INO80C: variants seen among roughly 807,000 people sequenced by gnomAD.
INO80C encodes IES6 homolog.
A neutral mutation model predicts 17.7 loss-of-function variants in INO80C; 17 were observed. The observed-to-expected ratio is 0.96, with a 90% CI of 0.66 to 1.44. The LOEUF is 1.44. Ranked by LOEUF, INO80C falls within the 40% of genes most tolerant of loss-of-function variation. INO80C has a pLI of 0.00. For synonymous variants in INO80C, 96 were observed against 95.8 expected, an observed-to-expected ratio of 1.00 and a Z score of -0.01; for missense variants, 244 against 245.0, an observed-to-expected ratio of 1.00 and a Z score of 0.03.
chr18:35,497,141 A>T (rs189297820), intron 1 of INO80C, among the ~76,000 whole-genome samples: 107 of 152,342 alleles, frequency 7.0e-4, no homozygotes, highest in Non-Finnish European at 1.2e-3. Flanking sequence ...TAGATTGTTC[A>T]GAGGCCCTGA....
chr18:35,497,387 G>A (rs2045994130), intron 1 of INO80C: 3 of 1,090,816 alleles, frequency 2.8e-6, no homozygotes, highest in Non-Finnish European at 3.4e-6. Context: ...TGGACGAGGG[G>A]AAGACACGCA....
chr18:35,489,403 A>G (rs146771948), intron 1 of INO80C: 2,910 of 229,238 alleles, frequency 0.013, 93 homozygotes, highest in African/African-American at 0.063. Context: ...GGCAGCAGGC[A>G]AGAGAGAGAA....
chr18:35,485,015 G>A (rs981406227), intron 1 of INO80C, among the ~76,000 whole-genome samples: 4 of 152,060 alleles, frequency 2.6e-5, no homozygotes, highest in Admixed American at 1.3e-4. Flanking sequence ...GACAAGTTTG[G>A]TTTCTCCTGA....
Position 35,478,354 on chromosome 18 carries a change from GAAAAAA to G in INO80C, c.380-11_380-6del. 7.8e-7 allele frequency: 1 copy of G among 1,279,402 alleles called. No homozygotes were observed. The highest frequency in any genetic ancestry group is 1.1e-6 in the Non-Finnish European group (1 of 948,254). The allele number at this position is 1,279,402 out of a possible 1,614,324, so 79.3% of individuals were successfully genotyped here. On this transcript the variant is annotated splice_region_variant and splice_polypyrimidine_tract_variant and intron_variant, in intron 3 of 4. Coordinates refer to ENST00000334598, the MANE Select transcript of INO80C (RefSeq NM_194281.4). ...GAGGAGCATCAATACTGAAGTCTGG[GAAAAAA>G]AAAAAAAAAAGATAACTAAACTGAA...
At position 35,497,791 on chromosome 18, in the gene INO80C, G is replaced by C; in HGVS notation, c.84C>G (p.Ser28=). Residue 28 remains serine (S), a synonymous_variant, in exon 1 of 5, where the codon TCC becomes TCG. Coordinates refer to ENST00000334598, the MANE Select transcript of INO80C (RefSeq NM_194281.4). The part of the protein sequence containing the change: ...RNSKKRPASP[S]HNGSSGGGYG... ...AGCCCCCGCCGCTGCTGCCATTGTG[G>C]GAAGGGCTGGCCGGCCTCTTCTTGC... 6.2e-7 allele frequency: 1 copy of C among 1,613,186 alleles called. No individual in the cohort carries two copies. Among genetic ancestry groups the C allele is most frequent in the Non-Finnish European group, 8.5e-7 (1 of 1,179,554 alleles).
At chr18:35,477,502 T>C (rs984953659) in intron 4 of INO80C, among the ~76,000 whole-genome samples, 4 of 152,142 alleles carry the variant, frequency 2.6e-5, no homozygotes, top group African/African-American at 9.7e-5. Context: ...ATTTATGAGA[T>C]GAAAAAGGAT....
intron 1 of INO80C, among the ~76,000 whole-genome samples, chr18:35,481,556 C>T (rs2045808957): frequency 6.6e-6 from 1 of 152,178 alleles, no homozygotes; most frequent in South Asian, 2.1e-4. Context: ...ACAGCATGTA[C>T]TCTAGTGTCT....
chr18:35,497,577 C>A, intron 1 of INO80C, 142 bp downstream of exon 1: 1 of 1,424,178 alleles, frequency 7.0e-7, no homozygotes. Context: ...AGTAGTCATT[C>A]ACTCCGCGGG....
At chr18:35,484,539 T>C (rs1358679080) in intron 1 of INO80C, among the ~76,000 whole-genome samples, 3 of 152,244 alleles carry the variant, frequency 2.0e-5, no homozygotes, top group Non-Finnish European at 4.4e-5. Flanking sequence ...GCATCTTGAC[T>C]AAACATGTAC....
chr18:35,497,694 G>A lies in INO80C; in HGVS notation c.156+25C>T. 2 of 1,601,166 alleles carry A rather than the reference G, an allele frequency of 1.2e-6. 1 individual carries two copies. The highest frequency in any genetic ancestry group is 2.2e-5 in the South Asian group (2 of 90,292). On this transcript the variant is annotated intron_variant, in intron 1 of 4. Transcript: ENST00000334598. ...AAGTCCCGTTTCGCGACGCGCACGC[G>A]CAGCCTGGGAGCGCGACTGCGTACC...
chr18:35,475,536 G>A (rs1288614050), intron 4 of INO80C, among the ~76,000 whole-genome samples: 2 of 152,116 alleles, frequency 1.3e-5, no homozygotes, highest in African/African-American at 2.4e-5. Flanking sequence ...CAGGCATGGT[G>A]GCACACACCT....
At chr18:35,497,678 T>A (rs1225282974) in intron 1 of INO80C, 41 bp downstream of exon 1, 12 of 1,590,560 alleles carry the variant, frequency 7.5e-6, no homozygotes, top group Non-Finnish European at 1.0e-5. Context: ...CAAGTCCCGT[T>A]TCGCGACGCG....
chr18:35,470,826 T>C (rs562626330), intron 4 of INO80C, among the ~76,000 whole-genome samples: 9 of 151,988 alleles, frequency 5.9e-5, no homozygotes, highest in African/African-American at 2.2e-4. Context: ...CACCCAGGAG[T>C]TGAACAAGTA....
chr18:35,497,885 G>A lies in INO80C; in HGVS notation c.-11C>T. ...AATTTGCGCCGCCATCGCACTCCGA[G>A]TCTTCCCCTGGTCCCCCCACCTTTT... On this transcript the variant is annotated 5_prime_UTR_variant, in exon 1 of 5. Coordinates refer to ENST00000334598, the MANE Select transcript of INO80C (RefSeq NM_194281.4). 1 of 1,544,936 alleles carries A rather than the reference G, an allele frequency of 6.5e-7. No homozygotes were observed. The highest frequency in any genetic ancestry group is 8.7e-7 in the Non-Finnish European group (1 of 1,143,270).
intron 1 of INO80C, among the ~76,000 whole-genome samples, chr18:35,491,240 A>G (rs959077177): frequency 1.3e-5 from 2 of 152,188 alleles, no homozygotes; most frequent in Non-Finnish European, 2.9e-5. Flanking sequence ...CCCTCGTTAG[A>G]TTCAGGCAGA....
At position 35,479,032 on chromosome 18, in the gene INO80C, G is replaced by A. The variant is rs1387184840; in HGVS notation, c.379+268C>T. The A allele has an allele frequency of 1.4e-5, 4 of 293,784 alleles. No homozygotes were observed. In the Admixed American group the frequency reaches 2.0e-4, roughly 15 times the overall value. 18.2% of individuals were successfully genotyped at this position (293,784 alleles called of 1,614,324 possible). ...TTAAGAGTAGACTTTTGAATAAGAA[G>A]TTTGTCTAGTAGAAACACCAATATT... On this transcript the variant is annotated intron_variant, in intron 3 of 4. Transcript: ENST00000334598.
At chr18:35,481,037 G>C (rs1169558782) in intron 1 of INO80C, among the ~76,000 whole-genome samples, 2 of 152,172 alleles carry the variant, frequency 1.3e-5, no homozygotes, top group Middle Eastern at 3.2e-3. Context: ...CTGATCTTAT[G>C]AACTCTGTCT....
chr18:35,478,277 C>G lies in INO80C; in HGVS notation c.447+5G>C. On this transcript the variant is annotated splice_donor_5th_base_variant and intron_variant, in intron 4 of 4. Coordinates refer to ENST00000334598, the MANE Select transcript of INO80C (RefSeq NM_194281.4). ...TAATGTTATAAGAGATATAATCATACTCACAAGCAGACCTGAAACATCAGA... is the reference window on the plus strand; with the variant it reads ...TAATGTTATAAGAGATATAATCATAGTCACAAGCAGACCTGAAACATCAGA... The G allele has an allele frequency of 6.3e-7, 1 of 1,583,922 alleles. No homozygotes were observed.
At position 35,479,345 on chromosome 18, in the gene INO80C, G is replaced by T. The variant is rs1338723556; in HGVS notation, c.334C>A (p.Leu112Ile). The change falls in exon 3 of 5, where the codon CTC becomes ATC. Residue 112 changes from leucine (L) to isoleucine (I), a missense_variant. Coordinates refer to ENST00000334598, the MANE Select transcript of INO80C (RefSeq NM_194281.4). ...NRTWKNLKQI[L>I]ASERALPWQL... ...CACGGCAATGCCCTTTCAGAAGCGA[G>T]GATTTGTTTCAGGTTCTTCCAGGTT... 6.2e-7 allele frequency: 1 copy of T among 1,613,966 alleles called. No individual in the cohort carries two copies. Among genetic ancestry groups the T allele is most frequent in the Admixed American group, 1.7e-5 (1 of 59,994 alleles).
Sources: allele counts gnomAD v4.1 joint callset (sites outside exome capture counted in the v4.1 genomes callset), GRCh38; gene constraint gnomAD v4.1.1; transcripts MANE v1.5; gene names NCBI Gene and HGNC (gene_info 2026-07-23, HGNC 2026-07-21).